The following DOP1A variants were observed in gnomAD, a reference collection of about 807,000 sequenced individuals.
DOP1A encodes the protein protein DOP1A.
DOP1A carries 90 observed loss-of-function variants against 267.6 expected under a neutral mutation model. The ratio of observed to expected loss-of-function variants is 0.34; its 90% CI spans 0.28 to 0.40. The LOEUF (loss-of-function observed/expected upper bound fraction) is 0.40, where lower values mean the gene tolerates loss of function less well. Among genes scored for constraint, DOP1A ranks in the 10% least tolerant of loss-of-function variants. DOP1A has a pLI of 1.00. For missense variants in DOP1A, 2,437 were observed against 2,900.4 expected (o/e 0.84, Z 3.67); for synonymous variants, 932 against 999.1 (o/e 0.93, Z 1.27).
Position 83,137,355 on chromosome 6 carries a change from A to G in DOP1A, c.3313A>G (p.Ile1105Val), listed in dbSNP as rs1779015488. The stretch of plus-strand genomic sequence containing the variant: ...TGATCTTCCAGACCAACAGATAGAA[A>G]TACTTCAGAGTTCTGACTCGGGATG... Reference protein sequence around the residue: ...DFDLPDQQIEILQSSDSGCSQ... With the variant: ...DFDLPDQQIEVLQSSDSGCSQ... Residue 1105 changes from isoleucine to valine, a missense_variant, in exon 21 of 39, where the codon ATA becomes GTA. Around this residue, in one of 9 missense-constraint regions of DOP1A, gnomAD observed 878 missense variants for 992.9 expected, o/e 0.88. Transcript: ENST00000349129. 4 of 1,613,740 alleles carry G rather than the reference A, an allele frequency of 2.5e-6. No homozygotes were observed. The South Asian group carries it at 3.3e-5, about 13-fold the overall frequency.
chr6:83,139,687 TA>T (rs1001400876), intron 21 of DOP1A, among the ~76,000 whole-genome samples: 137 of 152,232 alleles, frequency 9.0e-4, no homozygotes, highest in African/African-American at 3.2e-3. Context: ...ACATGTAAAA[TA>T]ATAAGAAAAC....
chr6:83,086,946 A>C (rs1433461683), intron 1 of DOP1A, among the ~76,000 whole-genome samples: 33 of 151,700 alleles, frequency 2.2e-4, no homozygotes, highest in Admixed American at 2.2e-3. Flanking sequence ...AGACCATGAG[A>C]GATTCGGGGG....
chr6:83,162,802 C>T lies in DOP1A; in HGVS notation c.6975C>T (p.Ala2325=). 1 of 1,611,834 alleles carries T rather than the reference C, an allele frequency of 6.2e-7. No individual in the cohort carries two copies. The highest frequency in any genetic ancestry group is 8.5e-7 in the Non-Finnish European group (1 of 1,178,814). The change falls in exon 38 of 39, where the codon GCC becomes GCT. Residue 2325 remains alanine, a synonymous_variant. Coordinates refer to ENST00000349129, the MANE Select transcript of DOP1A (RefSeq NM_015018.4). ...NLPQFQMYRW[A]FIPEASDDSG... ...ATTCTATACATAGGTACCGATGGGC[C>T]TTTATTCCAGAAGCCTCAGATGATT...
chr6:83,087,362 CA>C (rs1462977164), intron 1 of DOP1A, among the ~76,000 whole-genome samples: 1 of 152,080 alleles, frequency 6.6e-6, no homozygotes, highest in Non-Finnish European at 1.5e-5. Context: ...CAATTTAAGT[CA>C]ACCTGATTGT....
intron 37 of DOP1A, 38 bp downstream of exon 37, chr6:83,159,998 A>C (rs1332383918): frequency 6.2e-7 from 1 of 1,603,706 alleles, no homozygotes; most frequent in Non-Finnish European, 8.5e-7. Context: ...TTATTTTTGA[A>C]AGTGCATTTG....
Position 83,153,636 on chromosome 6 carries a change from A to G in DOP1A, c.6239+16A>G. ...GAAATCACAGGTACTATCATTATTT[A>G]AATAGTTTTTAAAATTAATTCATAG... On this transcript the variant is annotated intron_variant, in intron 31 of 38. Coordinates refer to ENST00000349129, the MANE Select transcript of DOP1A (RefSeq NM_015018.4). 1 of 1,539,166 alleles carries G rather than the reference A, an allele frequency of 6.5e-7. No individual in the cohort carries two copies. Among genetic ancestry groups the G allele is most frequent in the Non-Finnish European group, 8.8e-7 (1 of 1,137,006 alleles).
At chr6:83,167,206 G>C in intron 38 of DOP1A, 3 of 902,700 alleles carry the variant, frequency 3.3e-6, no homozygotes, top group Non-Finnish European at 4.0e-6. Context: ...CTGCCCAAGG[G>C]TGCCGTAAGT....
intron 1 of DOP1A, among the ~76,000 whole-genome samples, chr6:83,087,475 T>G (rs1769492371): frequency 6.6e-6 from 1 of 152,022 alleles, no homozygotes; most frequent in Admixed American, 6.6e-5. Flanking sequence ...CAGATGAGTA[T>G]AAAGAGGAAG....
At chr6:83,109,996 A>G (rs984533909) in intron 5 of DOP1A, 129 bp from the exon 6 acceptor site, 23 of 937,118 alleles carry the variant, frequency 2.5e-5, no homozygotes, top group Admixed American at 6.9e-5. Flanking sequence ...AGTCTATCAC[A>G]CTTGTTTCCA....
intron 13 of DOP1A, 118 bp from the exon 14 acceptor site, chr6:83,125,048 T>C: frequency 1.0e-6 from 1 of 955,698 alleles, no homozygotes; most frequent in Non-Finnish European, 1.6e-6. Context: ...CTTAACTGTT[T>C]AGTGTATAGT....
In DOP1A at chr6:83,148,842, C is replaced by A; in HGVS notation, c.5816C>A (p.Pro1939Gln). 1 of 1,543,720 alleles carries A rather than the reference C, an allele frequency of 6.5e-7. No individual in the cohort carries two copies. The highest frequency in any genetic ancestry group is 8.7e-7 in the Non-Finnish European group (1 of 1,155,814). The change falls in exon 27 of 39, where the codon CCA (proline) becomes CAA (glutamine). Residue 1939 changes from proline to glutamine, a missense_variant. By Grantham distance (76) the Pro-to-Gln change is moderately conservative. Coordinates refer to ENST00000349129, the MANE Select transcript of DOP1A (RefSeq NM_015018.4). ...KDSIQLSLPA[P>Q]GQFLILGVLN... ...TCTATACAACTGAGTCTTCCAGCTCCAGGGCAGTTTCTTATACTTGGGTAA... is the reference window on the plus strand; with the variant it reads ...TCTATACAACTGAGTCTTCCAGCTCAAGGGCAGTTTCTTATACTTGGGTAA...
chr6:83,124,881 G>A lies in DOP1A; in HGVS notation c.1455+62G>A, dbSNP rs149645022. ...GAATAACGTAGTTCAAATATTTCGT[G>A]TTGTAGGCAAGCCTTCAGATACATT... On this transcript the variant is annotated intron_variant, in intron 13 of 38. Coordinates refer to ENST00000349129, the MANE Select transcript of DOP1A (RefSeq NM_015018.4). 520 of 1,330,002 alleles carry A rather than the reference G, an allele frequency of 3.9e-4. 1 individual carries two copies. The African/African-American group carries it at 6.8e-3, about 17-fold the overall frequency. The allele number at this position is 1,330,002 out of a possible 1,614,324, so 82.4% of individuals were successfully genotyped here.
chr6:83,145,222 A>AT (rs1340897325), intron 24 of DOP1A, among the ~76,000 whole-genome samples: 6 of 70,554 alleles, frequency 8.5e-5, no homozygotes, highest in East Asian at 3.7e-4. Flanking sequence ...ATATATATAT[A>AT]ATATATATAT....
intron 3 of DOP1A, among the ~76,000 whole-genome samples, chr6:83,099,402 C>A (rs954834675): frequency 6.6e-6 from 1 of 152,076 alleles, no homozygotes; most frequent in Non-Finnish European, 1.5e-5. Context: ...ACAAGAAATT[C>A]CATCTAAAAG....
chr6:83,140,077 A>G lies in DOP1A; in HGVS notation c.5198A>G (p.Tyr1733Cys). ...LLEGITAIIHYCLLDPTTQYH... is the reference protein window; with the variant it reads ...LLEGITAIIHCCLLDPTTQYH... ...GAAGGGATTACAGCCATTATCCATT[A>G]CTGTTTGTTGGATCCAACTACACAG... is the stretch of plus-strand genomic sequence containing the variant. Residue 1733 changes from tyrosine to cysteine, a missense_variant, in exon 22 of 39, where the codon TAC becomes TGC. This residue lies in a region of DOP1A where 307 missense variants were observed against 308.6 expected (regional missense o/e 0.99). Coordinates refer to ENST00000349129, the MANE Select transcript of DOP1A (RefSeq NM_015018.4). The G allele has an allele frequency of 6.2e-7, 1 of 1,613,644 alleles. No individual in the cohort carries two copies. Among genetic ancestry groups the G allele is most frequent in the Non-Finnish European group, 8.5e-7 (1 of 1,179,696 alleles).
At chr6:83,170,555 C>T (rs474213), downstream of DOP1A, 246,449 of 1,102,778 alleles carry the variant, frequency 0.22, 27,807 homozygotes, top group Non-Finnish European at 0.23. Context: ...ATACATTCTA[C>T]GAAAAGTGCC....
chr6:83,147,769 A>G (rs2128308398), intron 26 of DOP1A, among the ~76,000 whole-genome samples: 1 of 152,330 alleles, frequency 6.6e-6, no homozygotes, highest in South Asian at 2.1e-4. Flanking sequence ...ATCTATGACT[A>G]GCATTATAAG....
chr6:83,123,625 A>C (rs1023035584), intron 12 of DOP1A, among the ~76,000 whole-genome samples: 1 of 152,078 alleles, frequency 6.6e-6, no homozygotes, highest in Non-Finnish European at 1.5e-5. Context: ...CCTACACATT[A>C]ATCTCTTTAG....
At chr6:83,099,931 T>A (rs1392436687) in intron 3 of DOP1A, among the ~76,000 whole-genome samples, 2 of 152,148 alleles carry the variant, frequency 1.3e-5, no homozygotes, top group Non-Finnish European at 2.9e-5. Context: ...TCTAACATAG[T>A]CTGTATTCAT....
Sources: gnomAD v4.1 joint callset for allele counts (sites outside exome capture counted in the v4.1 genomes callset) on GRCh38, gnomAD v4.1.1 for gene constraint, gnomAD v4.1.1 regional missense constraint, MANE v1.5 for transcripts, NCBI Gene and HGNC (gene_info 2026-07-23, HGNC 2026-07-21) for gene names.